ROR1: variants seen among roughly 807,000 people sequenced by gnomAD.
ROR1 encodes the protein ROR family WNT receptor 1, also known as inactive tyrosine-protein kinase transmembrane receptor ROR1.
Under a neutral mutation model 78.8 loss-of-function variants are expected in ROR1, and 19 were observed. The observed-to-expected ratio is 0.24, with a 90% confidence interval of 0.17 to 0.35. The LOEUF (loss-of-function observed/expected upper bound fraction) is 0.35. Ranked by LOEUF, ROR1 falls within the 10% of genes least tolerant of loss-of-function variation. The pLI, the probability that ROR1 is intolerant of heterozygous loss-of-function variation, is 1.00. For missense variants in ROR1, 917 were observed against 1,177.8 expected, an observed-to-expected ratio of 0.78 and a Z score of 3.24; for synonymous variants, 386 against 433.6, an observed-to-expected ratio of 0.89 and a Z score of 1.36.
chr1:64,054,103 A>G (rs1161731341), intron 4 of ROR1, among the ~76,000 whole-genome samples: 1 of 151,942 alleles, frequency 6.6e-6, no homozygotes, highest in Admixed American at 6.6e-5. Flanking sequence ...ACAGGCACGC[A>G]CTACCGTGCC....
At chr1:63,959,397 G>T (rs932075915) in intron 1 of ROR1, among the ~76,000 whole-genome samples, 1 of 152,124 alleles carries the variant, frequency 6.6e-6, no homozygotes, top group Non-Finnish European at 1.5e-5. Flanking sequence ...TGTCTCTTGT[G>T]ATTTGATCCA....
chr1:64,110,550 T>C (rs1386771120), intron 4 of ROR1: 1 of 152,008 alleles, frequency 6.6e-6, no homozygotes, highest in East Asian at 1.9e-4. Flanking sequence ...GCTTCCTGCC[T>C]AAAAAACAGG....
chr1:63,789,377 T>C (rs1644711686), intron 1 of ROR1: 1 of 375,154 alleles, frequency 2.7e-6, no homozygotes, highest in Non-Finnish European at 5.0e-6. Context: ...GGCCTCTGAG[T>C]GGGCAAAGCC....
At chr1:64,089,822 A>G (rs1157164619) in intron 4 of ROR1, among the ~76,000 whole-genome samples, 1 of 152,188 alleles carries the variant, frequency 6.6e-6, no homozygotes, top group Admixed American at 6.6e-5. Flanking sequence ...CCTGAATTGT[A>G]GCTCCCGTAA....
chr1:63,791,299 C>G (rs1406762452), intron 1 of ROR1, among the ~76,000 whole-genome samples: 1 of 152,008 alleles, frequency 6.6e-6, no homozygotes, highest in Non-Finnish European at 1.5e-5. Flanking sequence ...AATGCAGGCT[C>G]CTGTTAGAGT....
At chr1:63,890,686 G>GGGGT (rs919307470) in intron 1 of ROR1, among the ~76,000 whole-genome samples, 3 of 152,028 alleles carry the variant, frequency 2.0e-5, no homozygotes, top group Admixed American at 2.0e-4. Context: ...ATGAAAGTTT[G>GGGGT]GGGTGGTGGT....
At chr1:64,059,402 T>A (rs1020168040) in intron 4 of ROR1, among the ~76,000 whole-genome samples, 4 of 152,126 alleles carry the variant, frequency 2.6e-5, no homozygotes, top group African/African-American at 9.7e-5. Context: ...TTTTCTGTCA[T>A]GTACTCCCTT....
chr1:64,178,632 G>C lies in ROR1; in HGVS notation c.2591G>C (p.Ser864Thr). The C allele has an allele frequency of 6.2e-7, 1 of 1,614,142 alleles. No individual in the cohort carries two copies. Reference sequence around the variant, plus strand: ...CCAAGCAGTGCCAGTGGGTCGACTAGCACTGGCCATGTGACTAGCTTGCCC... The same window carrying C: ...CCAAGCAGTGCCAGTGGGTCGACTACCACTGGCCATGTGACTAGCTTGCCC... ...RSPSSASGST[S>T]TGHVTSLPSS... Residue 864 changes from serine to threonine, a missense_variant, in exon 9 of 9, where the codon AGC (serine) becomes ACC (threonine). Coordinates refer to ENST00000371079, the MANE Select transcript of ROR1 (RefSeq NM_005012.4). The surrounding 1 kb of genome is among the most constrained non-coding windows in gnomAD (Gnocchi z 4.3).
At chr1:63,942,929 A>G (rs1421726404) in intron 1 of ROR1, among the ~76,000 whole-genome samples, 2 of 151,902 alleles carry the variant, frequency 1.3e-5, no homozygotes, top group African/African-American at 4.8e-5. Context: ...ATCTCTACAA[A>G]AAATAATAAA....
At chr1:63,833,237 G>A (rs570358516) in intron 1 of ROR1, among the ~76,000 whole-genome samples, 4 of 152,278 alleles carry the variant, frequency 2.6e-5, no homozygotes, top group Admixed American at 6.5e-5. Context: ...GTGGGTTGGG[G>A]CAGGGATCCC....
At chr1:63,904,833 T>G (rs1645516404) in intron 1 of ROR1, among the ~76,000 whole-genome samples, 1 of 152,196 alleles carries the variant, frequency 6.6e-6, no homozygotes. Context: ...AACCTGCTGA[T>G]ATCTTGATCT....
intron 1 of ROR1, among the ~76,000 whole-genome samples, chr1:63,986,389 TAGAA>T (rs147571872): frequency 0.011 from 1,620 of 152,018 alleles, 26 homozygotes; most frequent in African/African-American, 0.038. Flanking sequence ...AAAGGATGAA[TAGAA>T]AGAAAGGGAA....
chr1:63,941,018 C>T (rs1645834707), intron 1 of ROR1, among the ~76,000 whole-genome samples: 1 of 152,150 alleles, frequency 6.6e-6, no homozygotes, highest in Admixed American at 6.6e-5. Context: ...CACATAATAA[C>T]TGTCCTGTAT....
In ROR1 at chr1:63,833,845, G is replaced by T. The variant is rs191278554; in HGVS notation, c.91+59337G>T. 6.7e-3 allele frequency among the ~76,000 whole-genome samples: 1,009 copies of T among 151,376 alleles called. 5 individuals are homozygous for T. The highest frequency in any genetic ancestry group is 0.012 in the Non-Finnish European group (787 of 67,804). On this transcript the variant is annotated intron_variant, in intron 1 of 8. Coordinates refer to ENST00000371079, the MANE Select transcript of ROR1 (RefSeq NM_005012.4). ...AGCACATGTGCATATTTACGCACTG[G>T]TTTTTTTTCTAGTTATGCCCTTGAA...
At chr1:63,940,938 T>C (rs1645833949) in intron 1 of ROR1, among the ~76,000 whole-genome samples, 1 of 152,202 alleles carries the variant, frequency 6.6e-6, no homozygotes, top group African/African-American at 2.4e-5. Context: ...TTGTGTAGTA[T>C]TCTGACCAAC....
chr1:63,878,337 C>T (rs963346652), intron 1 of ROR1, among the ~76,000 whole-genome samples: 4 of 152,134 alleles, frequency 2.6e-5, no homozygotes, highest in African/African-American at 7.2e-5. Context: ...TTGACAACAC[C>T]ATTACCATTC....
chr1:63,992,832 G>C (rs1646306762), intron 1 of ROR1, among the ~76,000 whole-genome samples: 1 of 152,172 alleles, frequency 6.6e-6, no homozygotes, highest in African/African-American at 2.4e-5. Context: ...GCTAATGAGT[G>C]TAGACTTTGC....
Position 63,774,335 on chromosome 1 carries a change from C to A in ROR1, c.-83C>A. 2 of 899,456 alleles carry A rather than the reference C, an allele frequency of 2.2e-6. No homozygotes were observed. Among genetic ancestry groups the A allele is most frequent in the Non-Finnish European group, 3.0e-6 (2 of 660,628 alleles). 55.7% of individuals were successfully genotyped at this position (899,456 alleles called of 1,614,324 possible). A position where few individuals can be genotyped will look rare whatever the true frequency, so the allele number is the denominator to read the frequency against. On this transcript the variant is annotated 5_prime_UTR_variant, in exon 1 of 9. Coordinates refer to ENST00000371079, the MANE Select transcript of ROR1 (RefSeq NM_005012.4). The surrounding 1 kb of genome is among the most constrained non-coding windows in gnomAD (Gnocchi z 5.7). ...GCGAGCGCCAGCGGCCGGGACGAGG[C>A]GGCCGGGAGCCCGGGAAGAGCCCGT...
intron 8 of ROR1, among the ~76,000 whole-genome samples, chr1:64,175,893 A>G (rs547294637): frequency 1.2e-4 from 18 of 152,310 alleles, no homozygotes; most frequent in African/African-American, 4.1e-4. Context: ...TCTGGATTTC[A>G]TATGTATTTC....
Sources: allele counts gnomAD v4.1 joint callset (sites outside exome capture counted in the v4.1 genomes callset), GRCh38; gene constraint gnomAD v4.1.1; non-coding constraint Gnocchi (gnomAD v3.1); transcripts MANE v1.5; gene names NCBI Gene and HGNC (gene_info 2026-07-23, HGNC 2026-07-21).